Variants in AGBL4 observed in about 807,000 individuals in gnomAD.
AGBL4 encodes cytosolic carboxypeptidase 6.
Under a neutral mutation model 66.4 loss-of-function variants are expected in AGBL4, and 58 were observed. That is an observed-to-expected ratio of 0.87 (90% CI 0.71 to 1.09). AGBL4 has a LOEUF of 1.09. AGBL4 is among the 50% of genes least tolerant of loss of function. The pLI is 0.00. For missense variants in AGBL4, 579 were observed against 631.0 expected, an observed-to-expected ratio of 0.92 and a Z score of 0.88; for synonymous variants, 234 against 222.9, an observed-to-expected ratio of 1.05 and a Z score of -0.44.
intron 9 of AGBL4, among the ~76,000 whole-genome samples, chr1:48,603,966 A>G (rs562154241): frequency 9.0e-4 from 136 of 151,848 alleles, no homozygotes; most frequent in African/African-American, 3.0e-3. Context: ...AACAACAACA[A>G]CAACAACAAA....
chr1:49,666,948 T>G (rs989281227), intron 3 of AGBL4, among the ~76,000 whole-genome samples: 1 of 152,064 alleles, frequency 6.6e-6, no homozygotes, highest in African/African-American at 2.4e-5. Context: ...TTGGTTTTGG[T>G]ATAGAAAGCA....
intron 3 of AGBL4, among the ~76,000 whole-genome samples, chr1:49,249,356 A>G (rs1233005414): frequency 1.3e-5 from 2 of 152,184 alleles, no homozygotes; most frequent in Non-Finnish European, 2.9e-5. Context: ...CAGAATATAT[A>G]AGGAACTCAA....
intron 6 of AGBL4, among the ~76,000 whole-genome samples, chr1:48,840,041 G>A (rs977933456): frequency 2.6e-5 from 4 of 152,246 alleles, no homozygotes; most frequent in Admixed American, 6.6e-5. Context: ...GCTCTTTGCC[G>A]ATTTAGGAGA....
intron 4 of AGBL4, among the ~76,000 whole-genome samples, chr1:49,052,321 C>T (rs1231547126): frequency 6.6e-6 from 1 of 152,148 alleles, no homozygotes; most frequent in Admixed American, 6.6e-5. Context: ...CAGGGACAGG[C>T]ACCCCATGCA....
chr1:49,992,841 T>C (rs992658393), intron 1 of AGBL4, among the ~76,000 whole-genome samples: 2 of 152,218 alleles, frequency 1.3e-5, no homozygotes, highest in Non-Finnish European at 2.9e-5. Context: ...CCAATGCTCC[T>C]ATACTCTTCA....
intron 4 of AGBL4, among the ~76,000 whole-genome samples, chr1:49,224,573 C>T (rs1358510201): frequency 2.7e-5 from 4 of 148,142 alleles, no homozygotes; most frequent in African/African-American, 5.0e-5. Flanking sequence ...GCCCAGATTG[C>T]GCCACTGCAC....
chr1:49,601,738 A>T (rs1487565906), intron 3 of AGBL4, among the ~76,000 whole-genome samples: 1 of 152,232 alleles, frequency 6.6e-6, no homozygotes, highest in African/African-American at 2.4e-5. Flanking sequence ...AAGACCTAAA[A>T]CCATAAAAAC....
chr1:48,690,558 C>T (rs1646613074), intron 6 of AGBL4, among the ~76,000 whole-genome samples: 1 of 152,096 alleles, frequency 6.6e-6, no homozygotes, highest in Admixed American at 6.6e-5. Context: ...CACTAAGGGT[C>T]ACACTGACAT....
chr1:48,559,643 T>C (rs954762987), intron 11 of AGBL4, among the ~76,000 whole-genome samples: 21 of 152,178 alleles, frequency 1.4e-4, no homozygotes, highest in Non-Finnish European at 2.6e-4. Context: ...TAGTTCTTTT[T>C]CCCTCCACTG....
intron 4 of AGBL4, among the ~76,000 whole-genome samples, chr1:49,153,470 A>C (rs1007438264): frequency 6.6e-6 from 1 of 152,180 alleles, no homozygotes; most frequent in Non-Finnish European, 1.5e-5. Flanking sequence ...AATAAAAGTC[A>C]TTCCAATGTT....
At chr1:49,292,737 T>A (rs1644566863) in intron 3 of AGBL4, among the ~76,000 whole-genome samples, 1 of 152,048 alleles carries the variant, frequency 6.6e-6, no homozygotes, top group Non-Finnish European at 1.5e-5. Flanking sequence ...GGGCCTCCTC[T>A]CTGCTGAGAG....
intron 6 of AGBL4, among the ~76,000 whole-genome samples, chr1:48,780,676 G>A (rs1645271287): frequency 6.6e-6 from 1 of 152,194 alleles, no homozygotes; most frequent in African/African-American, 2.4e-5. Context: ...AAGCATTGGG[G>A]AAAGGATTCC....
intron 3 of AGBL4, among the ~76,000 whole-genome samples, chr1:49,696,233 G>A (rs568559622): frequency 6.2e-4 from 94 of 152,104 alleles, no homozygotes; most frequent in Non-Finnish European, 1.1e-3. Flanking sequence ...TCAATATAAC[G>A]GAATAGTAAC....
At chr1:48,962,276 TA>T (rs947207310) in intron 5 of AGBL4, among the ~76,000 whole-genome samples, 1 of 152,226 alleles carries the variant, frequency 6.6e-6, no homozygotes, top group African/African-American at 2.4e-5. Context: ...ATAGGAGTAA[TA>T]ATACTACCTA....
At chr1:49,624,101 T>A (rs1162258797) in intron 3 of AGBL4, among the ~76,000 whole-genome samples, 1 of 151,962 alleles carries the variant, frequency 6.6e-6, no homozygotes, top group Admixed American at 6.6e-5. Flanking sequence ...CTATAAGCAT[T>A]CAATAAATGT....
chr1:48,898,024 G>C (rs1304071068), intron 5 of AGBL4, among the ~76,000 whole-genome samples: 1 of 152,028 alleles, frequency 6.6e-6, no homozygotes, highest in Non-Finnish European at 1.5e-5. Flanking sequence ...TGTTGGCCAG[G>C]ATGGTCTCGA....
At chr1:49,451,813 T>G (rs1428112121) in intron 3 of AGBL4, among the ~76,000 whole-genome samples, 1 of 151,900 alleles carries the variant, frequency 6.6e-6, no homozygotes, top group Non-Finnish European at 1.5e-5. Context: ...CAAAGACAAT[T>G]GTAGAGTAAA....
intron 5 of AGBL4, among the ~76,000 whole-genome samples, chr1:49,044,903 G>C (rs1007508214): frequency 2.0e-5 from 3 of 152,126 alleles, no homozygotes; most frequent in Non-Finnish European, 4.4e-5. Context: ...CTTTAACCTA[G>C]TGAGACTCAT....
At chr1:48,620,306 T>C (rs1267619453) in intron 9 of AGBL4, among the ~76,000 whole-genome samples, 1 of 142,152 alleles carries the variant, frequency 7.0e-6, no homozygotes, top group East Asian at 1.9e-4. Flanking sequence ...GGTCTCACTC[T>C]GTCTCCCAGG....
Sources: gnomAD v4.1 joint callset for allele counts (sites outside exome capture counted in the v4.1 genomes callset) on GRCh38, gnomAD v4.1.1 for gene constraint, MANE v1.5 for transcripts, NCBI Gene and HGNC (gene_info 2026-07-23, HGNC 2026-07-21) for gene names.